The following LRRC20 variants were observed in gnomAD, a reference collection of about 807,000 sequenced individuals.
The protein encoded by LRRC20 is leucine rich repeat containing 20.
In LRRC20, 11 loss-of-function variants were observed where a neutral mutation model predicts 14.4. That is an observed-to-expected ratio of 0.77 (90% CI 0.48 to 1.27). LRRC20 has a LOEUF of 1.27. Among genes scored for constraint, LRRC20 ranks in the 50% most tolerant of loss-of-function variants. The pLI, the probability that LRRC20 is intolerant of heterozygous loss-of-function variation, is 0.00. For missense variants in LRRC20, 219 were observed against 251.2 expected, an observed-to-expected ratio of 0.87 and a Z score of 0.87; for synonymous variants, 121 against 107.3, an observed-to-expected ratio of 1.13 and a Z score of -0.79.
At position 70,300,710 on chromosome 10, in the gene LRRC20, T is replaced by C; in HGVS notation, c.*644A>G. ...CTCCCCATTCCCAGCCTGCTGGTCC[T>C]CGGGCTCCTACATGAATGTTCTTGC... On this transcript the variant is annotated 3_prime_UTR_variant, in exon 5 of 5. Coordinates refer to ENST00000446961, the MANE Select transcript of LRRC20 (RefSeq NM_001278212.2). 5 of 985,602 alleles carry C rather than the reference T, an allele frequency of 5.1e-6. No individual in the cohort carries two copies. Among genetic ancestry groups the C allele is most frequent in the Non-Finnish European group, 6.0e-6 (5 of 830,064 alleles). The allele number at this position is 985,602 out of a possible 1,614,324, so 61.1% of individuals were successfully genotyped here.
chr10:70,328,011 A>G (rs1259827197), intron 3 of LRRC20, among the ~76,000 whole-genome samples: 1 of 152,212 alleles, frequency 6.6e-6, no homozygotes, highest in African/African-American at 2.4e-5. Context: ...TCAGTGGCCA[A>G]AGAATGACAA....
intron 2 of LRRC20, among the ~76,000 whole-genome samples, chr10:70,344,114 G>A (rs1843000388): frequency 6.6e-6 from 1 of 151,972 alleles, no homozygotes; most frequent in African/African-American, 2.4e-5. Flanking sequence ...GTGGGAAGAA[G>A]ATCGCTTGAA....
intron 2 of LRRC20, among the ~76,000 whole-genome samples, chr10:70,366,315 C>T (rs35685392): frequency 1.3e-5 from 2 of 151,134 alleles, no homozygotes; most frequent in South Asian, 4.2e-4. Context: ...CCCAGCTGCT[C>T]GGGAGGCTGA....
chr10:70,343,977 T>C (rs952724679), intron 2 of LRRC20, among the ~76,000 whole-genome samples: 5 of 152,112 alleles, frequency 3.3e-5, no homozygotes, highest in Admixed American at 2.6e-4. Flanking sequence ...AGTGGAAGGA[T>C]TGCTTGAGCC....
intron 4 of LRRC20, among the ~76,000 whole-genome samples, chr10:70,315,506 T>C (rs1037275737): frequency 2.0e-5 from 3 of 152,208 alleles, no homozygotes; most frequent in Admixed American, 2.0e-4. Context: ...TAGATAGGAT[T>C]TCTGACTTTA....
chr10:70,340,133 A>G (rs1842861947), intron 3 of LRRC20, among the ~76,000 whole-genome samples: 1 of 151,642 alleles, frequency 6.6e-6, no homozygotes, highest in Non-Finnish European at 1.5e-5. Context: ...AAAAAAAAAA[A>G]GAAAAGAAAA....
intron 2 of LRRC20, among the ~76,000 whole-genome samples, chr10:70,351,136 G>A (rs12257634): frequency 1.8e-4 from 27 of 151,914 alleles, no homozygotes; most frequent in African/African-American, 5.1e-4. Flanking sequence ...AGCCGAGATC[G>A]TGCCATGGCA....
intron 4 of LRRC20, among the ~76,000 whole-genome samples, chr10:70,315,199 G>C (rs1044474217): frequency 6.6e-6 from 1 of 152,196 alleles, no homozygotes; most frequent in Non-Finnish European, 1.5e-5. Context: ...GACAATGCCA[G>C]GAGCTCCATG....
At chr10:70,352,036 C>A (rs1374785386) in intron 2 of LRRC20, among the ~76,000 whole-genome samples, 2 of 152,068 alleles carry the variant, frequency 1.3e-5, no homozygotes, top group Admixed American at 6.6e-5. Context: ...ACTTAGTAAG[C>A]ATATTTAGGT....
At chr10:70,359,729 C>T (rs889412996) in intron 2 of LRRC20, among the ~76,000 whole-genome samples, 1 of 152,180 alleles carries the variant, frequency 6.6e-6, no homozygotes, top group Non-Finnish European at 1.5e-5. Context: ...TTTTCCACCT[C>T]TACATTTTTG....
chr10:70,373,833 G>A lies in LRRC20; in HGVS notation c.82+2619C>T, dbSNP rs536003658. On this transcript the variant is annotated intron_variant, in intron 2 of 4. Coordinates refer to ENST00000446961, the MANE Select transcript of LRRC20 (RefSeq NM_001278212.2). Reference sequence around the variant, plus strand: ...AAATCAAGGTTCCAATCCCAGGCATGGCAGTGGTCTGGCAGGGTGGCCAGA... The same window carrying A: ...AAATCAAGGTTCCAATCCCAGGCATAGCAGTGGTCTGGCAGGGTGGCCAGA... Among the ~76,000 whole-genome samples, 6 of 152,336 alleles carry A rather than the reference G, an allele frequency of 3.9e-5. No homozygotes were observed. The South Asian group carries it at 1.0e-3, about 26-fold the overall frequency.
intron 4 of LRRC20, among the ~76,000 whole-genome samples, chr10:70,304,471 T>TATATAGATATATAG (rs1491583194): frequency 2.2e-3 from 8 of 3,586 alleles, no homozygotes; most frequent in African/African-American, 0.01. Flanking sequence ...GCCACTTCTT[T>TATATAGATATATAG]ATATATATAT....
chr10:70,309,245 T>C (rs1435400237), intron 4 of LRRC20, among the ~76,000 whole-genome samples: 1 of 152,182 alleles, frequency 6.6e-6, no homozygotes, highest in Admixed American at 6.5e-5. Context: ...CAAGGAGGTG[T>C]AGCACCTTTG....
chr10:70,303,193 T>C (rs1841282417), intron 4 of LRRC20, among the ~76,000 whole-genome samples: 2 of 152,290 alleles, frequency 1.3e-5, no homozygotes, highest in Admixed American at 1.3e-4. Context: ...ATAAAGAATA[T>C]TTTTGCCAAG....
At position 70,340,610 on chromosome 10, in the gene LRRC20, T is replaced by C; in HGVS notation, c.175A>G (p.Asn59Asp). ...SGQIHLITLA[N>D]NELKSLTSKF... ...CTGGTGAGGGACTTAAGCTCGTTGT[T>C]AGCCAGGGTGATGAGGTGGATCTGG... Residue 59 changes from asparagine to aspartate, a missense_variant, in exon 3 of 5, where the codon AAC (asparagine) becomes GAC (aspartate). Asn to Asp is a conservative substitution (Grantham distance 23). Coordinates refer to ENST00000446961, the MANE Select transcript of LRRC20 (RefSeq NM_001278212.2). The C allele has an allele frequency of 1.2e-6, 2 of 1,614,196 alleles. No individual in the cohort carries two copies. The highest frequency in any genetic ancestry group is 1.7e-6 in the Non-Finnish European group (2 of 1,180,038).
intron 3 of LRRC20, among the ~76,000 whole-genome samples, chr10:70,331,571 C>A (rs975358804): frequency 2.6e-5 from 4 of 152,192 alleles, no homozygotes; most frequent in African/African-American, 9.7e-5. Context: ...AGCACCCAGG[C>A]CATCTGCCCA....
chr10:70,382,159 C>T (rs1352121242), intron 1 of LRRC20, among the ~76,000 whole-genome samples: 1 of 152,214 alleles, frequency 6.6e-6, no homozygotes, highest in Non-Finnish European at 1.5e-5. Context: ...AAGCAAACCC[C>T]GAAAGTGTCG....
chr10:70,376,344 C>A lies in LRRC20; in HGVS notation c.82+108G>T, dbSNP rs116078676. Reference sequence around the variant, plus strand: ...GAAAGTTCCACAAAACACTTATTCTCAGGATGAGGTTGCACACTGACGCTT... The same window carrying A: ...GAAAGTTCCACAAAACACTTATTCTAAGGATGAGGTTGCACACTGACGCTT... On this transcript the variant is annotated intron_variant, in intron 2 of 4. Coordinates refer to ENST00000446961, the MANE Select transcript of LRRC20 (RefSeq NM_001278212.2). 1.7e-4 allele frequency: 181 copies of A among 1,066,584 alleles called. No individual in the cohort carries two copies. The African/African-American group carries it at 2.6e-3, about 15-fold the overall frequency. The allele number at this position is 1,066,584 out of a possible 1,614,324, so 66.1% of individuals were successfully genotyped here. A position where few individuals can be genotyped will look rare whatever the true frequency, so the allele number is the denominator to read the frequency against.
intron 4 of LRRC20, among the ~76,000 whole-genome samples, chr10:70,319,258 C>T (rs958511022): frequency 8.6e-5 from 13 of 151,986 alleles, no homozygotes; most frequent in African/African-American, 2.2e-4. Flanking sequence ...TAGTCTCCTA[C>T]GGGGCAAAAT....
Sources: gnomAD v4.1 joint callset for allele counts (sites outside exome capture counted in the v4.1 genomes callset) on GRCh38, gnomAD v4.1.1 for gene constraint, MANE v1.5 for transcripts, NCBI Gene and HGNC (gene_info 2026-07-23, HGNC 2026-07-21) for gene names.